Variants in RNF43 observed in about 807,000 individuals in gnomAD.
The protein encoded by RNF43 is E3 ubiquitin-protein ligase RNF43.
RNF43 carries 37 observed loss-of-function variants against 78.4 expected under a neutral mutation model. The observed-to-expected ratio is 0.47, with a 90% CI of 0.36 to 0.62. RNF43 has a LOEUF of 0.62. RNF43 is among the 20% of genes least tolerant of loss of function. The pLI is 0.00. For synonymous variants in RNF43, 347 were observed against 395.0 expected, an observed-to-expected ratio of 0.88 and a Z score of 1.44; for missense variants, 774 against 1,007.9, an observed-to-expected ratio of 0.77 and a Z score of 3.14.
In RNF43 at chr17:58,393,440, A is replaced by G. The variant is rs539826577; in HGVS notation, c.252+21886T>C. 2.6e-4 allele frequency among the ~76,000 whole-genome samples: 39 copies of G among 152,238 alleles called. 1 individual carries two copies. The highest frequency in any genetic ancestry group is 4.7e-4 in the Non-Finnish European group (32 of 68,010). Reference sequence around the variant, plus strand: ...AAATTCTCTTATGATTTTCTTAGTAATATTTTCTTTTTTCTAACTTACATT... The same window carrying G: ...AAATTCTCTTATGATTTTCTTAGTAGTATTTTCTTTTTTCTAACTTACATT... On this transcript the variant is annotated intron_variant, in intron 2 of 9. Coordinates refer to ENST00000407977, the MANE Select transcript of RNF43 (RefSeq NM_017763.6).
chr17:58,416,698 G>A (rs1443502754), intron 1 of RNF43: 2 of 152,200 alleles, frequency 1.3e-5, no homozygotes, highest in African/African-American at 2.4e-5. Flanking sequence ...ATTAACCACA[G>A]GCTCTAGGTA....
At chr17:58,405,570 TTGGGAGGCAGAAG>T (rs1179707097) in intron 2 of RNF43, among the ~76,000 whole-genome samples, 8 of 151,776 alleles carry the variant, frequency 5.3e-5, no homozygotes, top group African/African-American at 1.9e-4. Context: ...TCCCAGAGCT[TTGGGAGGCAGAAG>T]TGGGAGGATG....
rs1972762717 is a variant in RNF43 at position 58,358,695 on chromosome 17, G to A, written c.1081C>T (p.Pro361Ser). ...GGCCGAGCCACTGCACTCCGGGAAG[G>A]GCCCAACAGGTAGGCAGCAGGGAGG... ...YHLPAAYLLG[P>S]SRSAVARPPR... The change falls in exon 9 of 10, where the codon CCT becomes TCT. Residue 361 changes from proline to serine, a missense_variant. Transcript: ENST00000407977. This position sits in a 1 kb window ranked among gnomAD's most constrained non-coding sequence, Gnocchi z 6.2. 6.5e-7 allele frequency: 1 copy of A among 1,541,076 alleles called. No homozygotes were observed. The highest frequency in any genetic ancestry group is 8.8e-7 in the Non-Finnish European group (1 of 1,142,338).
intron 2 of RNF43, among the ~76,000 whole-genome samples, chr17:58,372,395 A>C (rs1211126680): frequency 1.3e-5 from 2 of 152,112 alleles, no homozygotes; most frequent in Admixed American, 6.5e-5. Context: ...GTAGTGAGCA[A>C]GGTTTAGTGT....
intron 2 of RNF43, among the ~76,000 whole-genome samples, chr17:58,375,483 C>T (rs1216620513): frequency 1.3e-5 from 2 of 152,222 alleles, no homozygotes; most frequent in Admixed American, 6.5e-5. Context: ...TTGTAATTGT[C>T]GGCTTACTTC....
chr17:58,368,374 C>G (rs1475489005), intron 3 of RNF43, among the ~76,000 whole-genome samples: 1 of 152,050 alleles, frequency 6.6e-6, no homozygotes, highest in Non-Finnish European at 1.5e-5. Context: ...ATGGTGAAAC[C>G]CTGTCTCTAC....
Position 58,375,791 on chromosome 17 carries a change from C to T in RNF43, c.253-4758G>A, listed in dbSNP as rs117146580. ...GCTGTTGTAGAAGAATAAAAAAGAA[C>T]GACAGTTATTTATATTTTGTTCCAT... On this transcript the variant is annotated intron_variant, in intron 2 of 9. Transcript: ENST00000407977. Among the ~76,000 whole-genome samples the T allele has an allele frequency of 5.8e-3, 883 of 152,298 alleles. 7 individuals carry two copies. Among genetic ancestry groups the T allele is most frequent in the South Asian group, 0.017 (81 of 4,830 alleles).
At chr17:58,373,421 G>C (rs998219822) in intron 2 of RNF43, among the ~76,000 whole-genome samples, 2 of 152,192 alleles carry the variant, frequency 1.3e-5, no homozygotes, top group Admixed American at 6.5e-5. Flanking sequence ...TATGGAAGAA[G>C]GAATGGAAGG....
chr17:58,370,357 C>G (rs1973063467), intron 3 of RNF43, among the ~76,000 whole-genome samples: 1 of 152,188 alleles, frequency 6.6e-6, no homozygotes, highest in Non-Finnish European at 1.5e-5. Flanking sequence ...CGTGCGCCAC[C>G]ACGCCTAGTG....
intron 8 of RNF43, among the ~76,000 whole-genome samples, chr17:58,359,289 AT>A (rs1276490005): frequency 6.6e-6 from 1 of 152,218 alleles, no homozygotes; most frequent in Non-Finnish European, 1.5e-5. Flanking sequence ...AATACAAATA[AT>A]TTTTACAATA....
At chr17:58,372,324 G>T (rs1026680499) in intron 2 of RNF43, among the ~76,000 whole-genome samples, 1 of 152,172 alleles carries the variant, frequency 6.6e-6, no homozygotes, top group Non-Finnish European at 1.5e-5. Context: ...CTCTGGGCAG[G>T]GGGTGTTGAG....
intron 5 of RNF43, 119 bp from the exon 6 acceptor site, chr17:58,362,767 T>TCCC: frequency 2.9e-6 from 2 of 691,668 alleles, no homozygotes; most frequent in Middle Eastern, 3.1e-4. Flanking sequence ...GAGTCCTCCA[T>TCCC]CTGAGGGGAT....
In RNF43 at chr17:58,360,337, C is replaced by T; in HGVS notation, c.850-86G>A. The T allele has an allele frequency of 1.1e-6, 1 of 916,174 alleles. No individual in the cohort carries two copies. 56.8% of individuals were successfully genotyped at this position (916,174 alleles called of 1,614,324 possible). A position where few individuals can be genotyped will look rare whatever the true frequency, so the allele number is the denominator to read the frequency against. ...CAGGACATCCCCCAACTCCCTTAGGCCTCTCCTTGCTATTATCTACTTGTA... is the reference window on the plus strand; with the variant it reads ...CAGGACATCCCCCAACTCCCTTAGGTCTCTCCTTGCTATTATCTACTTGTA... On this transcript the variant is annotated intron_variant, in intron 7 of 9. Coordinates refer to ENST00000407977, the MANE Select transcript of RNF43 (RefSeq NM_017763.6). The surrounding 1 kb of genome is among the most constrained non-coding windows in gnomAD (Gnocchi z 4.3).
At position 58,357,014 on chromosome 17, in the gene RNF43, C is replaced by T. The variant is rs1212381925; in HGVS notation, c.2308+454G>A. 18 of 584,138 alleles carry T rather than the reference C, an allele frequency of 3.1e-5. No homozygotes were observed. In the Admixed American group the frequency reaches 4.8e-4, roughly 16 times the overall value. 36.2% of individuals were successfully genotyped at this position (584,138 alleles called of 1,614,324 possible). A position where few individuals can be genotyped will look rare whatever the true frequency, so the allele number is the denominator to read the frequency against. On this transcript the variant is annotated intron_variant, in intron 9 of 9. Transcript: ENST00000407977. This position sits in a 1 kb window ranked among gnomAD's most constrained non-coding sequence, Gnocchi z 4.5. Reference sequence around the variant, plus strand: ...GTTCACGCGATTCTCCTGCCTCAGCCTCCTGAGTAGCTGGGATTATAAGTG... The same window carrying T: ...GTTCACGCGATTCTCCTGCCTCAGCTTCCTGAGTAGCTGGGATTATAAGTG...
chr17:58,377,793 A>G (rs763758657), intron 2 of RNF43, among the ~76,000 whole-genome samples: 31 of 151,572 alleles, frequency 2.0e-4, no homozygotes, highest in Non-Finnish European at 3.2e-4. Flanking sequence ...GCTTGCTACA[A>G]TTTTGCCTTT....
intron 2 of RNF43, among the ~76,000 whole-genome samples, chr17:58,397,466 G>A (rs1973706498): frequency 6.6e-6 from 1 of 152,074 alleles, no homozygotes; most frequent in Non-Finnish European, 1.5e-5. Flanking sequence ...TTCCAGACCA[G>A]CCAGGCCAAC....
intron 3 of RNF43, among the ~76,000 whole-genome samples, chr17:58,368,381 C>G (rs556553996): frequency 2.6e-5 from 4 of 152,108 alleles, no homozygotes; most frequent in African/African-American, 7.2e-5. Flanking sequence ...AACCCTGTCT[C>G]TACTAAAAAT....
In RNF43 at chr17:58,360,562, C is replaced by T. The variant is rs984258784; in HGVS notation, c.849+221G>A. The stretch of plus-strand genomic sequence containing the variant: ...TAATGCATCCAAAGCACCACTGCAG[C>T]CTGGCACGTGGTACACTCTCAACAA... On this transcript the variant is annotated intron_variant, in intron 7 of 9. Transcript: ENST00000407977. The surrounding 1 kb of genome is among the most constrained non-coding windows in gnomAD (Gnocchi z 4.3). Among the ~76,000 whole-genome samples, 1 of 152,242 alleles carries T rather than the reference C, an allele frequency of 6.6e-6. No homozygotes were observed. The highest frequency in any genetic ancestry group is 2.4e-5 in the African/African-American group (1 of 41,472).
At chr17:58,386,880 T>G (rs1391210361) in intron 2 of RNF43, among the ~76,000 whole-genome samples, 5 of 152,154 alleles carry the variant, frequency 3.3e-5, no homozygotes, top group Non-Finnish European at 7.4e-5. Context: ...CTCAAACTTC[T>G]GGCCTCAAGT....
Sources: gnomAD v4.1 joint callset for allele counts (sites outside exome capture counted in the v4.1 genomes callset) on GRCh38, gnomAD v4.1.1 for gene constraint, Gnocchi (gnomAD v3.1) non-coding constraint, MANE v1.5 for transcripts, NCBI Gene and HGNC (gene_info 2026-07-23, HGNC 2026-07-21) for gene names.